The following GPR137C variants were observed in gnomAD, a reference collection of about 807,000 sequenced individuals.
GPR137C encodes integral membrane protein GPR137C.
GPR137C carries 27 observed loss-of-function variants against 43.4 expected under a neutral mutation model. The observed-to-expected ratio is 0.62, with a 90% confidence interval of 0.46 to 0.86. The LOEUF (loss-of-function observed/expected upper bound fraction) is 0.86, where lower values mean the gene tolerates loss of function less well. GPR137C is among the 40% of genes least tolerant of loss of function. GPR137C has a pLI of 0.00. For missense variants in GPR137C, 522 were observed against 534.6 expected (o/e 0.98, Z 0.23); for synonymous variants, 285 against 226.9 (o/e 1.26, Z -2.30).
chr14:52,616,172 C>CAA (rs566242339), intron 3 of GPR137C, among the ~76,000 whole-genome samples: 2 of 152,312 alleles, frequency 1.3e-5, no homozygotes, highest in South Asian at 4.1e-4. Flanking sequence ...AGCCCTGTCT[C>CAA]AAACATTGCA....
chr14:52,628,822 T>C (rs751927062), intron 3 of GPR137C, among the ~76,000 whole-genome samples: 1 of 152,056 alleles, frequency 6.6e-6, no homozygotes, highest in Admixed American at 6.6e-5. Context: ...AAAATTCTTA[T>C]CAAAGGCAAG....
At chr14:52,565,051 G>A (rs2038345920) in intron 1 of GPR137C, among the ~76,000 whole-genome samples, 1 of 152,208 alleles carries the variant, frequency 6.6e-6, no homozygotes, top group South Asian at 2.1e-4. Flanking sequence ...GAATCGGAAA[G>A]CACGTGTTTA....
Position 52,635,194 on chromosome 14 carries a change from A to G in GPR137C, c.*79A>G. The G allele has an allele frequency of 1.7e-6, 2 of 1,178,162 alleles. No individual in the cohort carries two copies. The highest frequency in any genetic ancestry group is 2.3e-6 in the Non-Finnish European group (2 of 862,148). 73.0% of individuals were successfully genotyped at this position (1,178,162 alleles called of 1,614,324 possible). On this transcript the variant is annotated 3_prime_UTR_variant, in exon 7 of 7. Coordinates refer to ENST00000321662, the MANE Select transcript of GPR137C (RefSeq NM_001099652.2). ...ATGTGTTTAAATTCCATCTACATAA[A>G]CATTCCATTATCTGTTGCAACTGAA...
At chr14:52,576,090 G>A (rs1335618927) in intron 1 of GPR137C, among the ~76,000 whole-genome samples, 1 of 152,162 alleles carries the variant, frequency 6.6e-6, no homozygotes, top group Non-Finnish European at 1.5e-5. Context: ...AGGCTGCACC[G>A]TAACTCACAT....
chr14:52,566,445 T>G (rs181871982), intron 1 of GPR137C, among the ~76,000 whole-genome samples: 1 of 152,200 alleles, frequency 6.6e-6, no homozygotes. Context: ...GTTTCATTGG[T>G]CAGGAGCCCC....
intron 3 of GPR137C, among the ~76,000 whole-genome samples, chr14:52,623,382 T>C (rs1367704810): frequency 1.3e-5 from 2 of 152,208 alleles, no homozygotes; most frequent in Non-Finnish European, 2.9e-5. Flanking sequence ...TCTAAGCTAT[T>C]GTGTACTTTA....
chr14:52,603,451 GA>G (rs1458471144), intron 3 of GPR137C, among the ~76,000 whole-genome samples: 10 of 152,190 alleles, frequency 6.6e-5, no homozygotes, highest in African/African-American at 2.4e-4. Context: ...CTTTCTCTTG[GA>G]TATCTACCCA....
intron 3 of GPR137C, among the ~76,000 whole-genome samples, chr14:52,604,123 A>G (rs1407245825): frequency 6.6e-6 from 1 of 151,904 alleles, no homozygotes; most frequent in Non-Finnish European, 1.5e-5. Flanking sequence ...TCTTTTTGCT[A>G]TTGATTGTTT....
At position 52,590,164 on chromosome 14, in the gene GPR137C, A is replaced by G. The variant is rs1272622780; in HGVS notation, c.445-8108A>G. On this transcript the variant is annotated intron_variant, in intron 1 of 6. Coordinates refer to ENST00000321662, the MANE Select transcript of GPR137C (RefSeq NM_001099652.2). ...GATACAGATGATCCTGACCCTGTGT[A>G]GGCCTAAGCTAATGGGTGTATTTAT... Among the ~76,000 whole-genome samples, 6 of 152,158 alleles carry G rather than the reference A, an allele frequency of 3.9e-5. No homozygotes were observed. In the East Asian group the frequency reaches 1.2e-3, roughly 29 times the overall value.
At chr14:52,632,724 T>C (rs1013005475) in intron 4 of GPR137C, among the ~76,000 whole-genome samples, 3 of 152,088 alleles carry the variant, frequency 2.0e-5, no homozygotes, top group Non-Finnish European at 4.4e-5. Flanking sequence ...TTGGTTCAGG[T>C]TAACATGTTT....
intron 3 of GPR137C, among the ~76,000 whole-genome samples, chr14:52,614,050 C>A (rs1316116160): frequency 6.6e-6 from 1 of 152,008 alleles, no homozygotes; most frequent in Non-Finnish European, 1.5e-5. Context: ...GCCCATTTCA[C>A]TGGGATGAGA....
intron 1 of GPR137C, among the ~76,000 whole-genome samples, chr14:52,568,889 T>C (rs1429966936): frequency 2.0e-5 from 3 of 152,210 alleles, no homozygotes; most frequent in Non-Finnish European, 4.4e-5. Flanking sequence ...TAAACATTAC[T>C]GCCTGCCGGC....
rs180858985 is a variant in GPR137C at position 52,590,754 on chromosome 14, A to G, written c.445-7518A>G. On this transcript the variant is annotated intron_variant, in intron 1 of 6. Transcript: ENST00000321662. ...TATATACCATATGGCCTAGGTATGTAGTAGGCTATACCATCTAGGTTTGTG... is the reference window on the plus strand; with the variant it reads ...TATATACCATATGGCCTAGGTATGTGGTAGGCTATACCATCTAGGTTTGTG... Among the ~76,000 whole-genome samples, 4 of 152,324 alleles carry G rather than the reference A, an allele frequency of 2.6e-5. No homozygotes were observed. In the East Asian group the frequency reaches 7.7e-4, roughly 29 times the overall value.
intron 3 of GPR137C, among the ~76,000 whole-genome samples, chr14:52,616,352 G>T (rs1033393998): frequency 1.3e-5 from 2 of 152,112 alleles, no homozygotes; most frequent in African/African-American, 4.8e-5. Flanking sequence ...GGAGTGCAGT[G>T]GCCCAATCTC....
At chr14:52,633,971 C>T (rs1401776901) in intron 6 of GPR137C, 25 bp downstream of exon 6, 3 of 1,275,190 alleles carry the variant, frequency 2.4e-6, no homozygotes, top group Non-Finnish European at 2.3e-6. Context: ...GCCACTTAGC[C>T]TGAATTACTA....
chr14:52,600,450 ATTT>A, intron 3 of GPR137C, 109 bp downstream of exon 3: 1 of 643,852 alleles, frequency 1.6e-6, no homozygotes, highest in Middle Eastern at 4.3e-4. Context: ...ATTTTATTTT[ATTT>A]TATTTGAGAC....
At chr14:52,568,237 G>A (rs1008694428) in intron 1 of GPR137C, among the ~76,000 whole-genome samples, 3 of 152,156 alleles carry the variant, frequency 2.0e-5, no homozygotes, top group Non-Finnish European at 4.4e-5. Flanking sequence ...GGAAAGCCAT[G>A]AGGGACTCTG....
At chr14:52,573,485 TTTAA>T (rs2038503181) in intron 1 of GPR137C, among the ~76,000 whole-genome samples, 1 of 152,226 alleles carries the variant, frequency 6.6e-6, no homozygotes, top group African/African-American at 2.4e-5. Flanking sequence ...GGATTCCCTA[TTTAA>T]TAAATGGTGT....
intron 1 of GPR137C, among the ~76,000 whole-genome samples, chr14:52,559,367 C>A (rs1229364196): frequency 6.6e-6 from 1 of 151,864 alleles, no homozygotes; most frequent in Admixed American, 6.6e-5. Context: ...GGCGACAGAG[C>A]AAGACTCCAT....
Sources: gnomAD v4.1 joint callset for allele counts (sites outside exome capture counted in the v4.1 genomes callset) on GRCh38, gnomAD v4.1.1 for gene constraint, MANE v1.5 for transcripts, NCBI Gene and HGNC (gene_info 2026-07-23, HGNC 2026-07-21) for gene names.